TUSC3: variants seen among roughly 807,000 people sequenced by gnomAD.
TUSC3 encodes the protein dolichyl-diphosphooligosaccharide--protein glycosyltransferase subunit TUSC3.
In TUSC3, 45 loss-of-function variants were observed where a neutral mutation model predicts 44.8. That is an observed-to-expected ratio of 1.00 (90% CI 0.79 to 1.29). The LOEUF (loss-of-function observed/expected upper bound fraction) is 1.29, where lower values mean the gene tolerates loss of function less well. Ranked by LOEUF, TUSC3 falls within the 50% of genes most tolerant of loss-of-function variation. TUSC3 has a pLI of 0.00. For missense variants in TUSC3, 519 were observed against 437.9 expected (o/e 1.19, Z -1.65); for synonymous variants, 212 against 152.9 (o/e 1.39, Z -2.85).
intron 1 of TUSC3, among the ~76,000 whole-genome samples, chr8:15,447,041 C>T (rs1312531953): frequency 6.6e-6 from 1 of 150,440 alleles, no homozygotes; most frequent in South Asian, 2.1e-4. Flanking sequence ...ATACTGTTTC[C>T]CAAATGCAGA....
chr8:15,816,586 C>T, the TUSC3 span, among the ~76,000 whole-genome samples: 1 of 152,122 alleles, frequency 6.6e-6, no homozygotes, highest in Admixed American at 6.6e-5. Context: ...TCAACCTATT[C>T]GAAGACTTAA....
intron 1 of TUSC3, among the ~76,000 whole-genome samples, chr8:15,581,250 G>A (rs1194318200): frequency 1.5e-5 from 2 of 136,730 alleles, no homozygotes; most frequent in Non-Finnish European, 3.1e-5. Flanking sequence ...CAACTTCTTT[G>A]CCTTTGGTTT....
chr8:15,807,626 G>A, the TUSC3 span, among the ~76,000 whole-genome samples: 9 of 152,252 alleles, frequency 5.9e-5, no homozygotes, highest in South Asian at 4.1e-4. Flanking sequence ...GTGCCCATCC[G>A]TGGTGGATTG....
intron 1 of TUSC3, among the ~76,000 whole-genome samples, chr8:15,469,095 G>C (rs2129122762): frequency 6.6e-6 from 1 of 152,228 alleles, no homozygotes; most frequent in South Asian, 2.1e-4. Flanking sequence ...GAGATAATGA[G>C]CTTCTCAAGC....
the TUSC3 span, among the ~76,000 whole-genome samples, chr8:15,813,955 G>C: frequency 6.6e-6 from 1 of 152,158 alleles, no homozygotes; most frequent in Non-Finnish European, 1.5e-5. Flanking sequence ...CTTAACCTCT[G>C]TGTGTCTGTT....
chr8:15,621,877 T>C (rs1208337415), intron 1 of TUSC3, among the ~76,000 whole-genome samples: 1 of 152,112 alleles, frequency 6.6e-6, no homozygotes, highest in African/African-American at 2.4e-5. Flanking sequence ...CAGGTTACTA[T>C]GCTCTTTGGC....
At chr8:15,720,349 A>G (rs1717022028) in intron 6 of TUSC3, among the ~76,000 whole-genome samples, 1 of 151,970 alleles carries the variant, frequency 6.6e-6, no homozygotes, top group South Asian at 2.1e-4. Context: ...ATATAAAATT[A>G]CCTCAAAATT....
the TUSC3 span, among the ~76,000 whole-genome samples, chr8:15,799,402 A>G: frequency 2.0e-5 from 3 of 152,328 alleles, no homozygotes; most frequent in African/African-American, 7.2e-5. Flanking sequence ...CCTAGGATGA[A>G]TCTTAGTACA....
chr8:15,707,383 G>C (rs1235801963), intron 6 of TUSC3, among the ~76,000 whole-genome samples: 1 of 151,914 alleles, frequency 6.6e-6, no homozygotes, highest in African/African-American at 2.4e-5. Context: ...GAATACAAGA[G>C]AAGAATGTCT....
At chr8:15,554,393 T>C (rs1008959949) in intron 1 of TUSC3, among the ~76,000 whole-genome samples, 2 of 151,588 alleles carry the variant, frequency 1.3e-5, no homozygotes, top group African/African-American at 4.8e-5. Context: ...TCCTGTCTTG[T>C]GCTGACTGGG....
the TUSC3 span, among the ~76,000 whole-genome samples, chr8:15,851,466 T>C: frequency 6.6e-6 from 1 of 152,234 alleles, no homozygotes; most frequent in East Asian, 1.9e-4. Flanking sequence ...TTACATTGTT[T>C]AATCCTCACA....
the TUSC3 span, among the ~76,000 whole-genome samples, chr8:15,784,793 G>A: frequency 6.6e-6 from 1 of 152,062 alleles, no homozygotes; most frequent in African/African-American, 2.4e-5. Context: ...GATAGTCAAA[G>A]GGGACAGTTT....
the TUSC3 span, among the ~76,000 whole-genome samples, chr8:15,773,897 A>G: frequency 2.0e-4 from 31 of 152,324 alleles, 1 homozygote; most frequent in South Asian, 6.0e-3. Flanking sequence ...ACATAAAAGT[A>G]ACTCAAAATG....
At chr8:15,815,381 A>G in the TUSC3 span, among the ~76,000 whole-genome samples, 1 of 152,152 alleles carries the variant, frequency 6.6e-6, no homozygotes, top group African/African-American at 2.4e-5. Flanking sequence ...CCTGGGGAAT[A>G]TAATAAGTGA....
At chr8:15,773,110 G>T in the TUSC3 span, among the ~76,000 whole-genome samples, 1 of 152,154 alleles carries the variant, frequency 6.6e-6, no homozygotes, top group Non-Finnish European at 1.5e-5. Flanking sequence ...CCTCTATTCA[G>T]CATTATTCTG....
At chr8:15,462,382 A>G (rs1800357487) in intron 1 of TUSC3, among the ~76,000 whole-genome samples, 1 of 152,116 alleles carries the variant, frequency 6.6e-6, no homozygotes, top group African/African-American at 2.4e-5. Context: ...AAGAATATAT[A>G]CAAATGGCCA....
chr8:15,748,560 C>G (rs774858312), intron 9 of TUSC3, 95 bp downstream of exon 9: 3 of 1,206,950 alleles, frequency 2.5e-6, no homozygotes, highest in Non-Finnish European at 3.7e-6. Flanking sequence ...TGTAAAGTTG[C>G]TGTGTGGTTT....
chr8:15,809,073 G>C, the TUSC3 span, among the ~76,000 whole-genome samples: 2 of 152,146 alleles, frequency 1.3e-5, no homozygotes, highest in African/African-American at 2.4e-5. Flanking sequence ...CAGAAAGCCA[G>C]CAAACCCAGA....
chr8:15,441,828 T>G (rs1292039229), intron 1 of TUSC3, among the ~76,000 whole-genome samples: 1 of 152,290 alleles, frequency 6.6e-6, no homozygotes, highest in East Asian at 1.9e-4. Context: ...TAGAGCTTTT[T>G]GATTATGCTT....
Sources: gnomAD v4.1 joint callset for allele counts (sites outside exome capture counted in the v4.1 genomes callset) on GRCh38, gnomAD v4.1.1 for gene constraint, MANE v1.5 for transcripts, NCBI Gene and HGNC (gene_info 2026-07-23, HGNC 2026-07-21) for gene names.